Variants in NBAS observed in about 807,000 individuals in gnomAD.
NBAS encodes NAG/BC035112 fusion.
Under a neutral mutation model 302.5 loss-of-function variants are expected in NBAS, and 219 were observed. The ratio of observed to expected loss-of-function variants is 0.72; its 90% CI spans 0.65 to 0.81. The LOEUF is 0.81. Among genes scored for constraint, NBAS ranks in the 30% least tolerant of loss-of-function variants. The probability of loss-of-function intolerance (pLI) is 0.00; values close to 1 mark genes in which losing one functional copy is unlikely to be tolerated. For missense variants in NBAS, 2,932 were observed against 2,841.6 expected (o/e 1.03, Z -0.72); for synonymous variants, 1,118 against 1,021.6 (o/e 1.09, Z -1.80).
rs115960723 is a variant in NBAS, at chr2:15,355,238, T to C, written c.3931+1065A>G. Among the ~76,000 whole-genome samples, 1,198 of 152,292 alleles carry C rather than the reference T, an allele frequency of 7.9e-3. 13 individuals carry two copies. The highest frequency in any genetic ancestry group is 0.027 in the African/African-American group (1,133 of 41,536). On this transcript the variant is annotated intron_variant, in intron 33 of 51. Coordinates refer to ENST00000281513, the MANE Select transcript of NBAS (RefSeq NM_015909.4). ...TGCTTTGATAGTGGGTAGAAAGATG[T>C]GTTTGGACCTTCACATATTCTTCAC...
intron 40 of NBAS, among the ~76,000 whole-genome samples, chr2:15,295,507 A>G (rs540200035): frequency 1.1e-4 from 17 of 152,332 alleles, no homozygotes; most frequent in African/African-American, 4.1e-4. Context: ...TATAGCGTTC[A>G]TGGTTGTGAG....
downstream of NBAS, among the ~76,000 whole-genome samples, chr2:15,165,712 C>T (rs1342183178): frequency 6.6e-6 from 1 of 152,148 alleles, no homozygotes. Context: ...CTGCCCAATA[C>T]ACTGTATGTT....
chr2:15,043,728 T>C, the NBAS span, among the ~76,000 whole-genome samples: 1 of 152,194 alleles, frequency 6.6e-6, no homozygotes, highest in East Asian at 1.9e-4. Flanking sequence ...ATTAAAATGT[T>C]CCCAGCAATT....
At chr2:15,062,282 C>T in the NBAS span, among the ~76,000 whole-genome samples, 1 of 152,196 alleles carries the variant, frequency 6.6e-6, no homozygotes, top group Non-Finnish European at 1.5e-5. Flanking sequence ...TTGAAGGTTA[C>T]CTCTCTGAGC....
At chr2:14,919,989 A>G in the NBAS span, among the ~76,000 whole-genome samples, 5 of 152,310 alleles carry the variant, frequency 3.3e-5, no homozygotes, top group East Asian at 7.7e-4. Flanking sequence ...TGGCATCTGG[A>G]ATGCTGAATT....
chr2:15,476,682 T>G (rs1680208186), intron 13 of NBAS, among the ~76,000 whole-genome samples: 1 of 151,760 alleles, frequency 6.6e-6, no homozygotes, highest in Non-Finnish European at 1.5e-5. Context: ...GCCACTACAC[T>G]CCAGCCTGGG....
intron 47 of NBAS, among the ~76,000 whole-genome samples, chr2:15,225,509 CTCTTT>C (rs142923944): frequency 0.023 from 3,502 of 152,192 alleles, 104 homozygotes; most frequent in African/African-American, 0.076. Flanking sequence ...GTTCTTTCTT[CTCTTT>C]TATTTTTCCT....
the NBAS span, among the ~76,000 whole-genome samples, chr2:14,949,762 G>A: frequency 6.6e-6 from 1 of 152,110 alleles, no homozygotes; most frequent in Non-Finnish European, 1.5e-5. Flanking sequence ...TGGAACTGGA[G>A]GTCATTTTGT....
chr2:15,456,450 C>T (rs1045108369), intron 21 of NBAS, among the ~76,000 whole-genome samples: 4 of 152,306 alleles, frequency 2.6e-5, no homozygotes, highest in Admixed American at 6.5e-5. Context: ...ATTTGTGGTT[C>T]CTAAGTCACT....
chr2:15,061,839 CTGTGGT>C, the NBAS span, among the ~76,000 whole-genome samples: 2 of 152,202 alleles, frequency 1.3e-5, no homozygotes, highest in East Asian at 3.8e-4. Context: ...AATTCTTCAC[CTGTGGT>C]TTCACAGGCG....
chr2:14,866,680 G>T, the NBAS span, among the ~76,000 whole-genome samples: 2 of 152,006 alleles, frequency 1.3e-5, no homozygotes, highest in East Asian at 3.9e-4. Flanking sequence ...AAAACATAAT[G>T]GTCAAATGAG....
At chr2:15,106,099 A>G in the NBAS span, among the ~76,000 whole-genome samples, 1 of 152,154 alleles carries the variant, frequency 6.6e-6, no homozygotes, top group Non-Finnish European at 1.5e-5. Flanking sequence ...AGTTGGCCCA[A>G]TGCACAAAAT....
the NBAS span, among the ~76,000 whole-genome samples, chr2:15,002,668 G>A: frequency 6.6e-6 from 1 of 152,330 alleles, no homozygotes; most frequent in South Asian, 2.1e-4. Flanking sequence ...TGCAGGTCCC[G>A]AGCCCTGCCC....
chr2:14,935,593 T>A, the NBAS span, among the ~76,000 whole-genome samples: 1 of 152,200 alleles, frequency 6.6e-6, no homozygotes. Flanking sequence ...ATGGTTTTCC[T>A]TGACAGTTGT....
the NBAS span, among the ~76,000 whole-genome samples, chr2:14,856,757 G>A: frequency 1.3e-5 from 2 of 151,808 alleles, no homozygotes; most frequent in Admixed American, 6.6e-5. Flanking sequence ...ATACACAGAG[G>A]AGACAAAAGA....
chr2:14,843,461 C>G, the NBAS span, among the ~76,000 whole-genome samples: 2 of 151,816 alleles, frequency 1.3e-5, no homozygotes, highest in African/African-American at 4.8e-5. Flanking sequence ...TAAACAAATT[C>G]AATAAAGTTG....
chr2:14,996,038 A>G, the NBAS span, among the ~76,000 whole-genome samples: 1 of 151,694 alleles, frequency 6.6e-6, no homozygotes, highest in Non-Finnish European at 1.5e-5. Context: ...GAAGTCAGTG[A>G]GTTGGTGACG....
At chr2:15,297,104 CA>C (rs1264196507) in intron 40 of NBAS, among the ~76,000 whole-genome samples, 2 of 152,210 alleles carry the variant, frequency 1.3e-5, no homozygotes, top group East Asian at 3.8e-4. Flanking sequence ...TACTGAGTCT[CA>C]TTTTGCATTA....
the NBAS span, among the ~76,000 whole-genome samples, chr2:14,779,946 G>A: frequency 6.6e-6 from 1 of 152,102 alleles, no homozygotes; most frequent in African/African-American, 2.4e-5. Context: ...GACCCAAAGG[G>A]CCCATTTCTT....
Sources: gnomAD v4.1 joint callset for allele counts (sites outside exome capture counted in the v4.1 genomes callset) on GRCh38, gnomAD v4.1.1 for gene constraint, MANE v1.5 for transcripts, NCBI Gene and HGNC (gene_info 2026-07-23, HGNC 2026-07-21) for gene names.